Variants in FNDC3B observed in about 807,000 individuals in gnomAD.
The protein encoded by FNDC3B is fibronectin type III domain-containing protein 3B.
In FNDC3B, 12 loss-of-function variants were observed where a neutral mutation model predicts 151.5. That is an observed-to-expected ratio of 0.08 (90% CI 0.05 to 0.13). The LOEUF is 0.13. FNDC3B is among the 10% of genes least tolerant of loss of function. The probability of loss-of-function intolerance (pLI) is 1.00; values close to 1 mark genes in which losing one functional copy is unlikely to be tolerated. For missense variants in FNDC3B, 1,214 were observed against 1,505.3 expected, an observed-to-expected ratio of 0.81 and a Z score of 3.20; for synonymous variants, 528 against 549.0, an observed-to-expected ratio of 0.96 and a Z score of 0.54.
chr3:172,058,816 G>T (rs764257165), intron 1 of FNDC3B, among the ~76,000 whole-genome samples: 1 of 152,020 alleles, frequency 6.6e-6, no homozygotes, highest in Non-Finnish European at 1.5e-5. Flanking sequence ...CATAACTTCC[G>T]GTCATATATT....
At chr3:172,224,776 A>T (rs563749787) in intron 3 of FNDC3B, among the ~76,000 whole-genome samples, 2 of 152,360 alleles carry the variant, frequency 1.3e-5, no homozygotes, top group South Asian at 4.1e-4. Flanking sequence ...CGACAGCACA[A>T]CATACATTAG....
intron 4 of FNDC3B, among the ~76,000 whole-genome samples, chr3:172,228,700 G>C (rs909519068): frequency 1.3e-5 from 2 of 152,162 alleles, no homozygotes; most frequent in South Asian, 2.1e-4. Flanking sequence ...GAATATGCTA[G>C]ACAATATTGG....
At chr3:172,285,857 G>T (rs775506016) in intron 6 of FNDC3B, 69 bp from the exon 7 acceptor site, 39 of 1,179,090 alleles carry the variant, frequency 3.3e-5, no homozygotes, top group Non-Finnish European at 4.9e-5. Flanking sequence ...AAGGCCTTGG[G>T]GAAGGAACTT....
intron 6 of FNDC3B, among the ~76,000 whole-genome samples, chr3:172,263,586 GTTTTTTTTT>G (rs35762662): frequency 8.8e-5 from 9 of 102,210 alleles, no homozygotes; most frequent in South Asian, 4.2e-4. Flanking sequence ...GCTATCAAGT[GTTTTTTTTT>G]TTTTTTTTTT....
intron 6 of FNDC3B, among the ~76,000 whole-genome samples, chr3:172,269,958 T>C (rs59540498): frequency 0.084 from 12,724 of 152,262 alleles, 845 homozygotes; most frequent in African/African-American, 0.18. Flanking sequence ...AAATCTGTGC[T>C]TTTTTATAGG....
intron 6 of FNDC3B, among the ~76,000 whole-genome samples, chr3:172,273,366 G>GA (rs573793260): frequency 6.6e-6 from 1 of 152,086 alleles, no homozygotes; most frequent in Non-Finnish European, 1.5e-5. Flanking sequence ...CTGTGTCATA[G>GA]AAAAAAAGTC....
chr3:172,169,979 G>A (rs1006146903), intron 3 of FNDC3B, among the ~76,000 whole-genome samples: 2 of 152,106 alleles, frequency 1.3e-5, no homozygotes, highest in African/African-American at 4.8e-5. Flanking sequence ...CTGCAGCTGC[G>A]GTTTCTGTCC....
At chr3:172,386,753 A>G (rs111823074) in intron 25 of FNDC3B, among the ~76,000 whole-genome samples, 6,374 of 148,216 alleles carry the variant, frequency 0.043, 376 homozygotes, top group African/African-American at 0.16. Context: ...AAAAAGAAAA[A>G]AAAAAGAAAA....
intron 23 of FNDC3B, among the ~76,000 whole-genome samples, chr3:172,375,797 C>G (rs1461543763): frequency 6.6e-6 from 1 of 152,164 alleles, no homozygotes; most frequent in African/African-American, 2.4e-5. Flanking sequence ...CCCTTTCCCT[C>G]CTCTTCTCAG....
intron 1 of FNDC3B, among the ~76,000 whole-genome samples, chr3:172,091,953 AG>A (rs976406173): frequency 1.3e-5 from 2 of 148,192 alleles, no homozygotes; most frequent in African/African-American, 5.0e-5. Flanking sequence ...AGATGGCTTT[AG>A]ATTGCCTCAA....
chr3:172,393,224 G>T (rs1420332410), intron 25 of FNDC3B, among the ~76,000 whole-genome samples: 1 of 152,084 alleles, frequency 6.6e-6, no homozygotes, highest in Non-Finnish European at 1.5e-5. Context: ...GAAACCAAAA[G>T]AAAGCAGGGA....
intron 3 of FNDC3B, among the ~76,000 whole-genome samples, chr3:172,175,391 C>T (rs1025002906): frequency 1.3e-5 from 2 of 151,892 alleles, no homozygotes; most frequent in African/African-American, 2.4e-5. Flanking sequence ...GGCGGATGGG[C>T]GGGTGGTGGG....
intron 5 of FNDC3B, among the ~76,000 whole-genome samples, chr3:172,250,084 A>G (rs1020378930): frequency 9.9e-5 from 15 of 152,204 alleles, no homozygotes; most frequent in Non-Finnish European, 1.8e-4. Flanking sequence ...CCCAATCTTT[A>G]TGTTACGCAT....
At position 172,397,298 on chromosome 3, in the gene FNDC3B, G is replaced by A. The variant is rs572571045; in HGVS notation, c.3438G>A (p.Ala1146=). ...QELSGAFSPS[A]AFVLQRSEVM... ...TAAGCGGAGCCTTCAGCCCCTCTGC[G>A]GCTTTTGTATTACAACGAAGTGAGG... Residue 1146 remains alanine (A), a synonymous_variant, in exon 26 of 26, where the codon GCG becomes GCA. Transcript: ENST00000415807. The A allele has an allele frequency of 9.9e-6, 16 of 1,614,060 alleles. No homozygotes were observed. Among genetic ancestry groups the A allele is most frequent in the Non-Finnish European group, 1.3e-5 (15 of 1,180,032 alleles).
At chr3:172,287,628 T>C (rs1180608470) in intron 7 of FNDC3B, among the ~76,000 whole-genome samples, 1 of 152,182 alleles carries the variant, frequency 6.6e-6, no homozygotes, top group Non-Finnish European at 1.5e-5. Context: ...TGGCCCCAAA[T>C]GTAGTTTCAG....
chr3:172,234,044 C>T (rs1446260150), intron 4 of FNDC3B, among the ~76,000 whole-genome samples: 2 of 152,126 alleles, frequency 1.3e-5, no homozygotes, highest in Non-Finnish European at 2.9e-5. Flanking sequence ...AAGGACATCC[C>T]CTCCCCTCAA....
rs143479006 is a variant in FNDC3B, at chr3:172,353,083, G to A, written c.2795G>A (p.Arg932Gln). The A allele has an allele frequency of 1.4e-4, 233 of 1,613,128 alleles. No individual in the cohort carries two copies. The highest frequency in any genetic ancestry group is 1.8e-4 in the Non-Finnish European group (211 of 1,179,758). ...GATCTCCTTCCAGAAACCACCTACC[G>A]GTGAGTGCAAGGGAGTAGAAATCTG... ...MKDLLPETTY[R>Q]IRIQAINEIG... Residue 932 changes from arginine to glutamine, a missense_variant and splice_region_variant, in exon 22 of 26, where the codon CGG (arginine) becomes CAG (glutamine). Arg to Gln is a conservative substitution (Grantham distance 43). This residue lies in a region of FNDC3B where 284 missense variants were observed against 392.4 expected (regional missense o/e 0.72). Transcript: ENST00000415807.
rs556767975 is a variant in FNDC3B at position 172,203,146 on chromosome 3, T to A, written c.188-23725T>A. Among the ~76,000 whole-genome samples the A allele has an allele frequency of 3.5e-3, 538 of 152,326 alleles. 3 individuals carry two copies. Among genetic ancestry groups the A allele is most frequent in the African/African-American group, 0.012 (511 of 41,574 alleles). On this transcript the variant is annotated intron_variant, in intron 3 of 25. Transcript: ENST00000415807. Reference sequence around the variant, plus strand: ...GAATGAATACTTAGCAATAAAAATATGTGACAAGCTGTGGGCACTCTAACA... The same window carrying A: ...GAATGAATACTTAGCAATAAAAATAAGTGACAAGCTGTGGGCACTCTAACA...
intron 7 of FNDC3B, among the ~76,000 whole-genome samples, chr3:172,286,993 T>C (rs1730054643): frequency 6.6e-6 from 1 of 152,150 alleles, no homozygotes; most frequent in South Asian, 2.1e-4. Flanking sequence ...ACAAGAGCCA[T>C]TCCAGAGATA....
Sources: gnomAD v4.1 joint callset for allele counts (sites outside exome capture counted in the v4.1 genomes callset) on GRCh38, gnomAD v4.1.1 for gene constraint, gnomAD v4.1.1 regional missense constraint, MANE v1.5 for transcripts, NCBI Gene and HGNC (gene_info 2026-07-23, HGNC 2026-07-21) for gene names.